REDIC1: variants seen among roughly 807,000 people sequenced by gnomAD.
The protein encoded by REDIC1 is regulator of DNA class I crossover intermediates 1.
the REDIC1 span, among the ~76,000 whole-genome samples, chr12:39,754,043 A>G: frequency 6.6e-6 from 1 of 152,156 alleles, no homozygotes; most frequent in Non-Finnish European, 1.5e-5. Flanking sequence ...CTCTTTTACA[A>G]TGCAAGGATT....
chr12:39,756,808 G>A, the REDIC1 span: 127,482 of 151,472 alleles, frequency 0.84, 53,916 homozygotes, highest in African/African-American at 0.9. Flanking sequence ...CCCTTTTAGA[G>A]TGAATAACTT....
At chr12:39,646,610 T>C in the REDIC1 span, 1 of 743,270 alleles carries the variant, frequency 1.3e-6, no homozygotes, top group Admixed American at 3.4e-5. Flanking sequence ...GATTAAGACC[T>C]TCATCAAATG....
chr12:39,903,117 C>T, the REDIC1 span, among the ~76,000 whole-genome samples: 1 of 152,076 alleles, frequency 6.6e-6, no homozygotes, highest in Non-Finnish European at 1.5e-5. Context: ...GATAGGAAAA[C>T]AAGGCTGAAA....
the REDIC1 span, chr12:39,764,841 T>A: frequency 6.2e-7 from 1 of 1,612,120 alleles, no homozygotes; most frequent in Non-Finnish European, 8.5e-7. Flanking sequence ...TGTTTTGAAC[T>A]TGGTTTCATT....
chr12:39,762,787 C>T, the REDIC1 span, among the ~76,000 whole-genome samples: 1 of 152,016 alleles, frequency 6.6e-6, no homozygotes, highest in African/African-American at 2.4e-5. Context: ...TTTTCTACTA[C>T]TAGAGAGTAG....
the REDIC1 span, among the ~76,000 whole-genome samples, chr12:39,824,602 C>T: frequency 1.3e-5 from 2 of 152,146 alleles, no homozygotes; most frequent in Non-Finnish European, 2.9e-5. Context: ...CTGAGGTGGA[C>T]GTGTCTCCTG....
At chr12:39,684,805 T>C in the REDIC1 span, 4 of 1,246,268 alleles carry the variant, frequency 3.2e-6, no homozygotes, top group Non-Finnish European at 4.6e-6. Context: ...AACTCTAATT[T>C]AGAACAATAA....
At chr12:39,651,046 C>T in the REDIC1 span, among the ~76,000 whole-genome samples, 2 of 152,022 alleles carry the variant, frequency 1.3e-5, no homozygotes, top group African/African-American at 4.8e-5. Flanking sequence ...GTTCCAAAAC[C>T]CCCAGTGGAA....
At chr12:39,648,729 CATATTT>C in the REDIC1 span, among the ~76,000 whole-genome samples, 3 of 150,346 alleles carry the variant, frequency 2.0e-5, no homozygotes, top group African/African-American at 7.3e-5. Flanking sequence ...GGTTTTATGA[CATATTT>C]ATATATTATT....
chr12:39,821,389 A>G, the REDIC1 span, among the ~76,000 whole-genome samples: 2 of 152,026 alleles, frequency 1.3e-5, no homozygotes, highest in African/African-American at 2.4e-5. Context: ...CAGCCTGGGT[A>G]ACAGAGCAAG....
chr12:39,871,251 C>T, the REDIC1 span, among the ~76,000 whole-genome samples: 1 of 152,158 alleles, frequency 6.6e-6, no homozygotes, highest in Admixed American at 6.5e-5. Flanking sequence ...CTTTATTTTG[C>T]TATCATAGAA....
the REDIC1 span, chr12:39,691,983 A>C: frequency 7.4e-7 from 1 of 1,354,934 alleles, no homozygotes; most frequent in Non-Finnish European, 1.0e-6. Context: ...TAGTGTAAAT[A>C]AGGTAGATAT....
the REDIC1 span, among the ~76,000 whole-genome samples, chr12:39,794,142 A>C: frequency 4.0e-5 from 6 of 151,320 alleles, no homozygotes; most frequent in East Asian, 1.2e-3. Context: ...AAAAAAAAAA[A>C]AAAAAAACCA....
the REDIC1 span, among the ~76,000 whole-genome samples, chr12:39,879,868 T>C: frequency 6.6e-6 from 1 of 152,140 alleles, no homozygotes; most frequent in African/African-American, 2.4e-5. Flanking sequence ...AATGATGTAG[T>C]TTGGATATTT....
At chr12:39,700,130 C>CA in the REDIC1 span, among the ~76,000 whole-genome samples, 24 of 152,244 alleles carry the variant, frequency 1.6e-4, no homozygotes, top group African/African-American at 5.1e-4. Context: ...TTCAGACAAT[C>CA]AAATTACTCC....
At chr12:39,742,915 G>C in the REDIC1 span, among the ~76,000 whole-genome samples, 1 of 152,188 alleles carries the variant, frequency 6.6e-6, no homozygotes, top group Non-Finnish European at 1.5e-5. Flanking sequence ...GTGGGAAACA[G>C]TGCCTGGATA....
the REDIC1 span, among the ~76,000 whole-genome samples, chr12:39,765,324 A>T: frequency 6.6e-6 from 1 of 151,972 alleles, no homozygotes; most frequent in Non-Finnish European, 1.5e-5. Context: ...GAGGGAAACA[A>T]ATGATTCTAT....
the REDIC1 span, among the ~76,000 whole-genome samples, chr12:39,861,988 C>T: frequency 6.6e-6 from 1 of 152,246 alleles, no homozygotes; most frequent in Middle Eastern, 3.4e-3. Context: ...AGGTATTAAG[C>T]CCCGCATGCA....
the REDIC1 span, among the ~76,000 whole-genome samples, chr12:39,628,778 T>C: frequency 2.6e-5 from 4 of 152,300 alleles, no homozygotes; most frequent in African/African-American, 9.6e-5. Context: ...GATATTTAAA[T>C]AGGACTTAAT....
Sources: allele counts gnomAD v4.1 joint callset (sites outside exome capture counted in the v4.1 genomes callset), GRCh38; gene constraint gnomAD v4.1.1; transcripts MANE v1.5; gene names NCBI Gene and HGNC (gene_info 2026-07-23, HGNC 2026-07-21).